The following AMH variants were observed in gnomAD, a reference collection of about 807,000 sequenced individuals.
AMH encodes the protein anti-Mullerian hormone.
A neutral mutation model predicts 33.3 loss-of-function variants in AMH; 39 were observed. The ratio of observed to expected loss-of-function variants is 1.17; its 90% confidence interval spans 0.91 to 1.53. AMH has a LOEUF of 1.53. AMH is among the 40% of genes most tolerant of loss of function. AMH has a pLI of 0.00. For missense variants in AMH, 1,019 were observed against 799.8 expected (o/e 1.27, Z -3.30); for synonymous variants, 536 against 403.0 (o/e 1.33, Z -3.95).
At position 2,249,553 on chromosome 19, in the gene AMH, G is replaced by A; in HGVS notation, c.221G>A (p.Gly74Glu). The change falls in exon 1 of 5, where the codon GGG becomes GAG. Residue 74 changes from glycine (G) to glutamate (E), a missense_variant. Coordinates refer to ENST00000221496, the MANE Select transcript of AMH (RefSeq NM_000479.5). Reference sequence around the variant, plus strand: ...AGCAGCTCCCCCCTGCGGGTGGTGGGGGCTCTAAGCGCCTATGAGCAGGCC... The same window carrying A: ...AGCAGCTCCCCCCTGCGGGTGGTGGAGGCTCTAAGCGCCTATGAGCAGGCC... ...NGSSSPLRVV[G>E]ALSAYEQAFL... 1.3e-6 allele frequency: 2 copies of A among 1,588,328 alleles called. No individual in the cohort carries two copies. Among genetic ancestry groups the A allele is most frequent in the Non-Finnish European group, 1.7e-6 (2 of 1,169,912 alleles).
intron 3 of AMH, 31 bp downstream of exon 3, chr19:2,250,791 G>C (rs1228033156): frequency 6.5e-7 from 1 of 1,535,790 alleles, no homozygotes; most frequent in East Asian, 2.4e-5. Context: ...ACGGGGAGCC[G>C]GGTCGACTGC....
In AMH at chr19:2,251,376, T is replaced by C. The variant is rs1467476447; in HGVS notation, c.1102T>C (p.Ser368Pro). The C allele has an allele frequency of 6.8e-7, 1 of 1,472,038 alleles. No individual in the cohort carries two copies. The highest frequency in any genetic ancestry group is 2.4e-5 in the Admixed American group (1 of 41,674). 91.2% of individuals were successfully genotyped at this position (1,472,038 alleles called of 1,614,324 possible). ...TCCTGCGCCCCTGCACGACCCCACG[T>C]CGGCGCCGTGGGCCACGGCCCTGGC... ...GDPAPLHDPT[S>P]APWATALARR... The change falls in exon 5 of 5, where the codon TCG (serine) becomes CCG (proline). Residue 368 changes from serine (S) to proline (P), a missense_variant. Ser to Pro is a moderately conservative substitution (Grantham distance 74). Transcript: ENST00000221496.
intron 2 of AMH, 50 bp downstream of exon 2, chr19:2,250,529 G>C (rs8112524): frequency 6.5e-7 from 1 of 1,540,372 alleles, no homozygotes; most frequent in African/African-American, 1.4e-5. Flanking sequence ...GGGGGGCATG[G>C]ATTTGTTGCA....
chr19:2,250,285 C>G, intron 1 of AMH, 52 bp from the exon 2 acceptor site: 1 of 1,556,740 alleles, frequency 6.4e-7, no homozygotes, highest in Non-Finnish European at 8.6e-7. Flanking sequence ...CAAAGATTCC[C>G]GGGGGGTGTG....
chr19:2,251,964 C>T lies in AMH; in HGVS notation c.*7C>T. The T allele has an allele frequency of 6.5e-7, 1 of 1,540,116 alleles. No homozygotes were observed. The highest frequency in any genetic ancestry group is 8.7e-7 in the Non-Finnish European group (1 of 1,150,476). On this transcript the variant is annotated 3_prime_UTR_variant, in exon 5 of 5. Coordinates refer to ENST00000221496, the MANE Select transcript of AMH (RefSeq NM_000479.5). The stretch of plus-strand genomic sequence containing the variant: ...CGAGTGTGGCTGCCGGTGACCCCTG[C>T]GCCGCGCGGACTCCTGCCCCGAGGG...
chr19:2,250,156 C>A, intron 1 of AMH, 181 bp from the exon 2 acceptor site: 2 of 1,037,886 alleles, frequency 1.9e-6, no homozygotes, highest in Non-Finnish European at 1.4e-6. Context: ...GCCTCAGACG[C>A]AGCCCCTGCC....
In AMH at chr19:2,251,570, G is replaced by A. The variant is rs1253721259; in HGVS notation, c.1296G>A (p.Gln432=). 5 of 1,306,092 alleles carry A rather than the reference G, an allele frequency of 3.8e-6. No homozygotes were observed. Among genetic ancestry groups the A allele is most frequent in the Non-Finnish European group, 4.9e-6 (5 of 1,029,908 alleles). The allele number at this position is 1,306,092 out of a possible 1,614,324, so 80.9% of individuals were successfully genotyped here. A position where few individuals can be genotyped will look rare whatever the true frequency, so the allele number is the denominator to read the frequency against. Residue 432 remains glutamine, a synonymous_variant, in exon 5 of 5, where the codon CAG becomes CAA. Coordinates refer to ENST00000221496, the MANE Select transcript of AMH (RefSeq NM_000479.5). ...CGCTGCTGCTCCTGAAGGCGCTGCA[G>A]GGCCTGCGCGTGGAGTGGCGCGGGC... ...LRALLLLKAL[Q]GLRVEWRGRD... is the part of the protein sequence containing the mutation.
rs2025041604 is a variant in AMH, at chr19:2,251,449, G to A, written c.1175G>A (p.Ser392Asn). 1.4e-6 allele frequency: 2 copies of A among 1,436,518 alleles called. No homozygotes were observed. The highest frequency in any genetic ancestry group is 3.0e-5 in the African/African-American group (2 of 66,984). The allele number at this position is 1,436,518 out of a possible 1,614,324, so 89.0% of individuals were successfully genotyped here. A position where few individuals can be genotyped will look rare whatever the true frequency, so the allele number is the denominator to read the frequency against. The change falls in exon 5 of 5, where the codon AGC becomes AAC. Residue 392 changes from serine to asparagine, a missense_variant. Coordinates refer to ENST00000221496, the MANE Select transcript of AMH (RefSeq NM_000479.5). ...CAAGCGGCGGCTGCCGAGCTGCGAA[G>A]CCTCCCGGGTCTGCCTCCGGCCACA... ...ELQAAAAELR[S>N]LPGLPPATAP...
Position 2,251,889 on chromosome 19 carries a change from C to G in AMH, c.1615C>G (p.Leu539Val), listed in dbSNP as rs2025055326. Residue 539 changes from leucine to valine, a missense_variant, in exon 5 of 5, where the codon CTG (leucine) becomes GTG (valine). Physicochemically the swap from Leu to Val is conservative, Grantham distance 32. Transcript: ENST00000221496. The part of the protein sequence containing the change: ...TAYAGKLLIS[L>V]SEERISAHHV... Reference sequence around the variant, plus strand: ...CTACGCGGGCAAGCTGCTCATCAGCCTGTCGGAGGAGCGCATCAGCGCGCA... The same window carrying G: ...CTACGCGGGCAAGCTGCTCATCAGCGTGTCGGAGGAGCGCATCAGCGCGCA... 2 of 1,579,042 alleles carry G rather than the reference C, an allele frequency of 1.3e-6. No individual in the cohort carries two copies. Among genetic ancestry groups the G allele is most frequent in the Non-Finnish European group, 1.7e-6 (2 of 1,170,082 alleles).
chr19:2,249,407 CAG>C lies in AMH; in HGVS notation c.78_79del (p.Arg26SerfsTer54). The C allele has an allele frequency of 1.9e-6, 3 of 1,595,302 alleles. No individual in the cohort carries two copies. The highest frequency in any genetic ancestry group is 2.6e-6 in the Non-Finnish European group (3 of 1,171,794). On this transcript the variant is annotated frameshift_variant, in exon 1 of 5. Transcript: ENST00000221496. LOFTEE classifies it high-confidence loss of function. ...LGALLGTEAL[R>X]AEEPAVGTSG... is the part of the protein sequence containing the mutation. ...GGGCTCTGCTGGGGACTGAGGCCCT[CAG>C]AGCAGAGGAGCCAGCTGTGGGCACC...
At chr19:2,250,196 A>T in intron 1 of AMH, 141 bp from the exon 2 acceptor site, 1 of 1,371,914 alleles carries the variant, frequency 7.3e-7, no homozygotes, top group Non-Finnish European at 1.0e-6. Context: ...CCCTGGCTGC[A>T]GGAAGGCAGC....
At position 2,249,665 on chromosome 19, in the gene AMH, C is replaced by T. The variant is rs1369864775; in HGVS notation, c.333C>T (p.Ala111=). 8 of 1,512,260 alleles carry T rather than the reference C, an allele frequency of 5.3e-6. No homozygotes were observed. Among genetic ancestry groups the T allele is most frequent in the South Asian group, 5.2e-5 (4 of 76,234 alleles). 93.7% of individuals were successfully genotyped at this position (1,512,260 alleles called of 1,614,324 possible). A position where few individuals can be genotyped will look rare whatever the true frequency, so the allele number is the denominator to read the frequency against. Reference sequence around the variant, plus strand: ...GCAACACCGGTGACAGGCAGGCTGCCTTGCCCTCTCTACGGCGGCTGGGGG... The same window carrying T: ...GCAACACCGGTGACAGGCAGGCTGCTTTGCCCTCTCTACGGCGGCTGGGGG... ...GVCNTGDRQA[A]LPSLRRLGAW... Residue 111 remains alanine (A), a synonymous_variant, in exon 1 of 5, where the codon GCC becomes GCT. Transcript: ENST00000221496.
At position 2,251,027 on chromosome 19, in the gene AMH, A is replaced by G. The variant is rs768128327; in HGVS notation, c.824+19A>G. On this transcript the variant is annotated intron_variant, in intron 4 of 4. Coordinates refer to ENST00000221496, the MANE Select transcript of AMH (RefSeq NM_000479.5). ...CGCCCAGGTGCGCGCAGGCACCGGG[A>G]CACGGGGCAGGAGCGGGCGGGGGCG... The G allele has an allele frequency of 2.0e-6, 3 of 1,519,238 alleles. No homozygotes were observed. The South Asian group carries it at 3.6e-5, about 18-fold the overall frequency. 94.1% of individuals were successfully genotyped at this position (1,519,238 alleles called of 1,614,324 possible).
Position 2,250,870 on chromosome 19 carries a change from G to A in AMH, c.686G>A (p.Arg229Gln), listed in dbSNP as rs369849113. ...RGEDSRLSTA[R>Q]LQALLFGDDH... ...GCAGACTCCCGGCTGAGTACCGCCCGGCTGCAGGCACTGCTGTTCGGCGAC... is the reference window on the plus strand; with the variant it reads ...GCAGACTCCCGGCTGAGTACCGCCCAGCTGCAGGCACTGCTGTTCGGCGAC... The change falls in exon 4 of 5, where the codon CGG becomes CAG. Residue 229 changes from arginine (R) to glutamine (Q), a missense_variant. Coordinates refer to ENST00000221496, the MANE Select transcript of AMH (RefSeq NM_000479.5). 3 of 1,573,880 alleles carry A rather than the reference G, an allele frequency of 1.9e-6. No homozygotes were observed. The highest frequency in any genetic ancestry group is 2.6e-6 in the Non-Finnish European group (3 of 1,168,676).
Position 2,249,592 on chromosome 19 carries a change from T to C in AMH, c.260T>C (p.Val87Ala). Residue 87 changes from valine (V) to alanine (A), a missense_variant, in exon 1 of 5, where the codon GTG becomes GCG. Physicochemically the swap from Val to Ala is moderately conservative, Grantham distance 64. Coordinates refer to ENST00000221496, the MANE Select transcript of AMH (RefSeq NM_000479.5). Reference sequence around the variant, plus strand: ...TATGAGCAGGCCTTCCTGGGGGCCGTGCAGAGGGCCCGCTGGGGCCCCCGA... The same window carrying C: ...TATGAGCAGGCCTTCCTGGGGGCCGCGCAGAGGGCCCGCTGGGGCCCCCGA... ...SAYEQAFLGA[V>A]QRARWGPRDL... The C allele has an allele frequency of 6.4e-7, 1 of 1,559,718 alleles. No homozygotes were observed. The highest frequency in any genetic ancestry group is 8.7e-7 in the Non-Finnish European group (1 of 1,154,504).
Position 2,249,663 on chromosome 19 carries a change from G to A in AMH, c.331G>A (p.Ala111Thr). 1 of 1,513,586 alleles carries A rather than the reference G, an allele frequency of 6.6e-7. No homozygotes were observed. The highest frequency in any genetic ancestry group is 8.8e-7 in the Non-Finnish European group (1 of 1,134,936). The allele number at this position is 1,513,586 out of a possible 1,614,324, so 93.8% of individuals were successfully genotyped here. A position where few individuals can be genotyped will look rare whatever the true frequency, so the allele number is the denominator to read the frequency against. The stretch of plus-strand genomic sequence containing the variant: ...CTGCAACACCGGTGACAGGCAGGCT[G>A]CCTTGCCCTCTCTACGGCGGCTGGG... ...GVCNTGDRQA[A>T]LPSLRRLGAW... The change falls in exon 1 of 5, where the codon GCC (alanine) becomes ACC (threonine). Residue 111 changes from alanine to threonine, a missense_variant. Physicochemically the swap from Ala to Thr is moderately conservative, Grantham distance 58. Transcript: ENST00000221496.
In AMH at chr19:2,251,364, C is replaced by T; in HGVS notation, c.1090C>T (p.His364Tyr). 4 of 1,481,264 alleles carry T rather than the reference C, an allele frequency of 2.7e-6. No individual in the cohort carries two copies. Among genetic ancestry groups the T allele is most frequent in the Non-Finnish European group, 3.6e-6 (4 of 1,123,040 alleles). 91.8% of individuals were successfully genotyped at this position (1,481,264 alleles called of 1,614,324 possible). Residue 364 changes from histidine (H) to tyrosine (Y), a missense_variant, in exon 5 of 5, where the codon CAC becomes TAC. By Grantham distance (83) the His-to-Tyr change is moderately conservative (BLOSUM62 2). Coordinates refer to ENST00000221496, the MANE Select transcript of AMH (RefSeq NM_000479.5). ...AATTGDPAPLHDPTSAPWATA... is the reference protein window; with the variant it reads ...AATTGDPAPLYDPTSAPWATA... Reference sequence around the variant, plus strand: ...CACCACCGGGGATCCTGCGCCCCTGCACGACCCCACGTCGGCGCCGTGGGC... The same window carrying T: ...CACCACCGGGGATCCTGCGCCCCTGTACGACCCCACGTCGGCGCCGTGGGC...
Position 2,250,769 on chromosome 19 carries a change from G to T in AMH, c.664+9G>T. 1 of 1,534,896 alleles carries T rather than the reference G, an allele frequency of 6.5e-7. No homozygotes were observed. The highest frequency in any genetic ancestry group is 8.7e-7 in the Non-Finnish European group (1 of 1,146,778). ...GCAGCCCCGCGGAGAGGGTAGGTCC[G>T]CGTGGAGAGGGACGGGGAGCCGGGT... is the stretch of plus-strand genomic sequence containing the variant. On this transcript the variant is annotated intron_variant, in intron 3 of 4. Coordinates refer to ENST00000221496, the MANE Select transcript of AMH (RefSeq NM_000479.5).
At position 2,249,403 on chromosome 19, in the gene AMH, C is replaced by T; in HGVS notation, c.71C>T (p.Ala24Val). 6.3e-7 allele frequency: 1 copy of T among 1,594,030 alleles called. No homozygotes were observed. Among genetic ancestry groups the T allele is most frequent in the Non-Finnish European group, 8.5e-7 (1 of 1,171,238 alleles). The part of the protein sequence containing the change: ...SALGALLGTE[A>V]LRAEEPAVGT... ...CTGGGGGCTCTGCTGGGGACTGAGG[C>T]CCTCAGAGCAGAGGAGCCAGCTGTG... The change falls in exon 1 of 5, where the codon GCC becomes GTC. Residue 24 changes from alanine to valine, a missense_variant. By Grantham distance (64) the Ala-to-Val change is moderately conservative. Coordinates refer to ENST00000221496, the MANE Select transcript of AMH (RefSeq NM_000479.5).
Sources: allele counts gnomAD v4.1 joint callset, GRCh38; gene constraint gnomAD v4.1.1; transcripts MANE v1.5; gene names NCBI Gene and HGNC (gene_info 2026-07-23, HGNC 2026-07-21).